The following CLVS1 variants were observed in gnomAD, a reference collection of about 807,000 sequenced individuals.
CLVS1 encodes clavesin 1, also known as clavesin-1.
A neutral mutation model predicts 33.1 loss-of-function variants in CLVS1; 10 were observed. That is an observed-to-expected ratio of 0.30 (90% CI 0.19 to 0.51). The LOEUF (loss-of-function observed/expected upper bound fraction) is 0.51, where lower values mean the gene tolerates loss of function less well. Among genes scored for constraint, CLVS1 ranks in the 20% least tolerant of loss-of-function variants. The pLI is 0.97. For synonymous variants in CLVS1, 163 were observed against 166.1 expected (o/e 0.98, Z 0.14); for missense variants, 343 against 433.4 (o/e 0.79, Z 1.85).
chr8:61,461,694 T>C (rs543498224), intron 5 of CLVS1, among the ~76,000 whole-genome samples: 1 of 152,342 alleles, frequency 6.6e-6, no homozygotes, highest in Non-Finnish European at 1.5e-5. Flanking sequence ...TCAATAAATG[T>C]CTTTGGTATA....
chr8:61,321,800 C>G (rs945775990), intron 2 of CLVS1, among the ~76,000 whole-genome samples: 6 of 152,054 alleles, frequency 3.9e-5, no homozygotes, highest in African/African-American at 1.4e-4. Context: ...TATAAGAAAT[C>G]TACTTTAGAG....
At chr8:61,082,475 A>G (rs193105289) in intron 1 of CLVS1, among the ~76,000 whole-genome samples, 2 of 149,998 alleles carry the variant, frequency 1.3e-5, no homozygotes, top group Admixed American at 6.7e-5. Flanking sequence ...AAATACCAAA[A>G]CAAAGAAACA....
the CLVS1 span, among the ~76,000 whole-genome samples, chr8:61,008,464 CTTT>C: frequency 7.4e-6 from 1 of 135,016 alleles, no homozygotes; most frequent in African/African-American, 2.7e-5. Context: ...TGGGGATTTA[CTTT>C]TTTTTTTTTT....
chr8:61,496,138 C>T (rs965364933), intron 5 of CLVS1, among the ~76,000 whole-genome samples: 1 of 152,234 alleles, frequency 6.6e-6, no homozygotes, highest in Non-Finnish European at 1.5e-5. Context: ...CAACTCCTTA[C>T]TGAAGATTTC....
At chr8:61,458,644 G>T in intron 5 of CLVS1, 102 bp downstream of exon 5, 1 of 752,206 alleles carries the variant, frequency 1.3e-6, no homozygotes, top group Non-Finnish European at 2.1e-6. Flanking sequence ...TATGGGCAGA[G>T]AACTTGAATA....
rs764515772 is a variant in CLVS1 at position 61,458,435 on chromosome 8, C to T, written c.870C>T (p.Pro290=). Residue 290 remains proline, a synonymous_variant, in exon 5 of 6, where the codon CCC becomes CCT. Coordinates refer to ENST00000325897, the MANE Select transcript of CLVS1 (RefSeq NM_173519.3). ...MGTWARTLLG[P]DYSDENDYTH... is the part of the protein sequence containing the mutation. The stretch of plus-strand genomic sequence containing the variant: ...CTTGGGCCCGGACGTTACTCGGTCC[C>T]GACTACAGCGATGAAAATGACTATA... 6.2e-6 allele frequency: 10 copies of T among 1,613,880 alleles called. 1 individual carries two copies. In the East Asian group the frequency reaches 8.9e-5, roughly 14 times the overall value.
intron 2 of CLVS1, among the ~76,000 whole-genome samples, chr8:61,306,195 CATCTGTT>C (rs1336756966): frequency 6.6e-6 from 1 of 152,176 alleles, no homozygotes; most frequent in Admixed American, 6.5e-5. Flanking sequence ...ACTTCACCAT[CATCTGTT>C]ATTTTTTGAC....
chr8:61,064,100 C>G (rs1004099615), intron 1 of CLVS1, among the ~76,000 whole-genome samples: 1 of 152,212 alleles, frequency 6.6e-6, no homozygotes, highest in Non-Finnish European at 1.5e-5. Flanking sequence ...TATGGATACA[C>G]CACATTTTGT....
chr8:61,214,885 A>T (rs1160542818), intron 2 of CLVS1, among the ~76,000 whole-genome samples: 1 of 152,182 alleles, frequency 6.6e-6, no homozygotes, highest in African/African-American at 2.4e-5. Flanking sequence ...TGGTTAATGC[A>T]TCTGTCTTAT....
intron 2 of CLVS1, among the ~76,000 whole-genome samples, chr8:61,363,312 G>A (rs182385000): frequency 1.3e-5 from 2 of 152,180 alleles, no homozygotes; most frequent in Admixed American, 6.5e-5. Flanking sequence ...CATATTTAAC[G>A]CATTTTCCAA....
intron 2 of CLVS1, among the ~76,000 whole-genome samples, chr8:61,180,790 G>A (rs946860116): frequency 3.9e-5 from 6 of 151,936 alleles, no homozygotes. Flanking sequence ...ATTCAACATC[G>A]CTTCATATTA....
intron 3 of CLVS1, among the ~76,000 whole-genome samples, chr8:61,438,087 T>C (rs1352817332): frequency 6.6e-6 from 1 of 152,192 alleles, no homozygotes; most frequent in Non-Finnish European, 1.5e-5. Flanking sequence ...GTTACATGGG[T>C]ATATGTGTGC....
chr8:61,185,926 C>T (rs954536741), intron 2 of CLVS1, among the ~76,000 whole-genome samples: 1 of 152,136 alleles, frequency 6.6e-6, no homozygotes, highest in African/African-American at 2.4e-5. Context: ...GTATTACTGC[C>T]ATGTTTCCAA....
At chr8:61,002,583 C>T in the CLVS1 span, among the ~76,000 whole-genome samples, 12 of 151,940 alleles carry the variant, frequency 7.9e-5, no homozygotes, top group East Asian at 1.2e-3. Context: ...CCACCTGCCT[C>T]GGCCTCCCAA....
At chr8:61,200,622 T>C (rs1807707865) in intron 2 of CLVS1, among the ~76,000 whole-genome samples, 1 of 152,250 alleles carries the variant, frequency 6.6e-6, no homozygotes, top group Non-Finnish European at 1.5e-5. Flanking sequence ...TAAAGTGAGA[T>C]TGCTGGTCCA....
At chr8:61,060,699 C>T (rs1435519780) in intron 1 of CLVS1, among the ~76,000 whole-genome samples, 2 of 152,150 alleles carry the variant, frequency 1.3e-5, no homozygotes, top group Non-Finnish European at 2.9e-5. Context: ...ATTATCGGGG[C>T]ATGGACTCTA....
At chr8:61,041,408 AT>A in the CLVS1 span, among the ~76,000 whole-genome samples, 1 of 152,158 alleles carries the variant, frequency 6.6e-6, no homozygotes, top group African/African-American at 2.4e-5. Context: ...GAATCTATAC[AT>A]TGTTTTGAGC....
chr8:61,063,776 GT>G (rs1804628019), intron 1 of CLVS1, among the ~76,000 whole-genome samples: 1 of 152,132 alleles, frequency 6.6e-6, no homozygotes, highest in African/African-American at 2.4e-5. Flanking sequence ...CTATAACTCA[GT>G]GGCATTAGTT....
In CLVS1 at chr8:61,273,916, G is replaced by C. The variant is rs370326745; in HGVS notation, c.-151-25761G>C. 2.2e-3 allele frequency: 342 copies of C among 158,878 alleles called. 1 individual carries two copies. Among genetic ancestry groups the C allele is most frequent in the African/African-American group, 7.9e-3 (327 of 41,652 alleles). 9.8% of individuals were successfully genotyped at this position (158,878 alleles called of 1,614,324 possible). A position where few individuals can be genotyped will look rare whatever the true frequency, so the allele number is the denominator to read the frequency against. On this transcript the variant is annotated intron_variant, in intron 2 of 2. Coordinates refer to the CLVS1 transcript ENST00000522621. ...TGGCACTCTCTAGTGAGATGAACCCGGTACCTCAGATGGAAATGCAGAAAT... is the reference window on the plus strand; with the variant it reads ...TGGCACTCTCTAGTGAGATGAACCCCGTACCTCAGATGGAAATGCAGAAAT...
Sources: allele counts gnomAD v4.1 joint callset (sites outside exome capture counted in the v4.1 genomes callset), GRCh38; gene constraint gnomAD v4.1.1; transcripts MANE v1.5; gene names NCBI Gene and HGNC (gene_info 2026-07-23, HGNC 2026-07-21).